Variants in TRIB3 observed in about 807,000 individuals in gnomAD.
TRIB3 encodes tribbles homolog 3.
A neutral mutation model predicts 16.6 loss-of-function variants in TRIB3; 20 were observed. The ratio of observed to expected loss-of-function variants is 1.20; its 90% CI spans 0.85 to 1.75. The LOEUF is 1.75. Among genes scored for constraint, TRIB3 ranks in the 40% most tolerant of loss-of-function variants. TRIB3 has a pLI of 0.00. For missense variants in TRIB3, 484 were observed against 488.9 expected (o/e 0.99, Z 0.10); for synonymous variants, 208 against 217.0 (o/e 0.96, Z 0.36).
Position 391,574 on chromosome 20 carries a change from T to A in TRIB3, c.579T>A (p.Arg193=), listed in dbSNP as rs767699653. 6.2e-7 allele frequency: 1 copy of A among 1,606,742 alleles called. No homozygotes were observed. The highest frequency in any genetic ancestry group is 1.1e-5 in the South Asian group (1 of 90,974). Residue 193 remains arginine (R), a synonymous_variant, in exon 3 of 4, where the codon CGT becomes CGA. Transcript: ENST00000217233. ...LKLCRFVFAD[R]ERKKLVLENL... ...TGTGTCGCTTTGTCTTCGCTGACCGTGAGAGGTGAGTGTGGTCTCAGAGAC... is the reference window on the plus strand; with the variant it reads ...TGTGTCGCTTTGTCTTCGCTGACCGAGAGAGGTGAGTGTGGTCTCAGAGAC...
chr20:382,195 A>T (rs1036934365), intron 1 of TRIB3, among the ~76,000 whole-genome samples: 1 of 152,102 alleles, frequency 6.6e-6, no homozygotes, highest in Admixed American at 6.5e-5. Flanking sequence ...TGTGGCAGGG[A>T]ACAGCAAGAG....
chr20:391,004 A>AGG lies in TRIB3; in HGVS notation c.292-283_292-282insGG, dbSNP rs1568535448. On this transcript the variant is annotated intron_variant, in intron 2 of 3. Coordinates refer to ENST00000217233, the MANE Select transcript of TRIB3 (RefSeq NM_021158.5). Reference sequence around the variant, plus strand: ...GTGACAGAGCGAGACTCCGTCTCAAAAAAAAAAAAAAAAAAAAAAAGCACA... The same window carrying AGG: ...GTGACAGAGCGAGACTCCGTCTCAAAGGAAAAAAAAAAAAAAAAAAAAGCACA... Among the ~76,000 whole-genome samples, 56 of 147,514 alleles carry AGG rather than the reference A, an allele frequency of 3.8e-4. 1 individual carries two copies. The highest frequency in any genetic ancestry group is 1.2e-3 in the African/African-American group (47 of 39,702).
chr20:391,897 C>T (rs1383967648), intron 3 of TRIB3, among the ~76,000 whole-genome samples: 2 of 152,102 alleles, frequency 1.3e-5, no homozygotes, highest in African/African-American at 2.4e-5. Flanking sequence ...TGGCGCACAC[C>T]TGTAATCCCA....
intron 1 of TRIB3, among the ~76,000 whole-genome samples, chr20:385,274 G>A (rs542402849): frequency 5.9e-4 from 90 of 152,016 alleles, no homozygotes; most frequent in South Asian, 3.1e-3. Context: ...CACCACGCCC[G>A]GCTAATTTTT....
At chr20:384,763 T>G (rs1174999087) in intron 1 of TRIB3, among the ~76,000 whole-genome samples, 3 of 152,180 alleles carry the variant, frequency 2.0e-5, no homozygotes, top group African/African-American at 7.2e-5. Flanking sequence ...CTACTGTATG[T>G]GGTACTTCTG....
At chr20:384,119 C>T (rs563948799) in intron 1 of TRIB3, among the ~76,000 whole-genome samples, 84 of 152,228 alleles carry the variant, frequency 5.5e-4, no homozygotes, top group Non-Finnish European at 9.7e-4. Flanking sequence ...CATCTAGCAC[C>T]CCCTAGTCCA....
At position 380,803 on chromosome 20, in the gene TRIB3, G is replaced by C. The variant is rs1214456235; in HGVS notation, c.-367G>C. On this transcript the variant is annotated 5_prime_UTR_variant, in exon 1 of 4. Coordinates refer to ENST00000217233, the MANE Select transcript of TRIB3 (RefSeq NM_021158.5). ...AGCGAGGGCGGGTCCCAGGTGCAGC[G>C]GATGCAGAGGAGAGAGGCCCGGGCG... 1 of 152,090 alleles carries C rather than the reference G, an allele frequency of 6.6e-6. No individual in the cohort carries two copies. Among genetic ancestry groups the C allele is most frequent in the South Asian group, 2.1e-4 (1 of 4,812 alleles). 9.4% of individuals were successfully genotyped at this position (152,090 alleles called of 1,614,324 possible).
chr20:390,405 G>A (rs1379660669), intron 2 of TRIB3, among the ~76,000 whole-genome samples: 1 of 152,182 alleles, frequency 6.6e-6, no homozygotes, highest in Non-Finnish European at 1.5e-5. Flanking sequence ...ATCAGCATTT[G>A]TCAATATTTG....
At chr20:390,709 C>G (rs2014947655) in intron 2 of TRIB3, among the ~76,000 whole-genome samples, 1 of 152,034 alleles carries the variant, frequency 6.6e-6, no homozygotes, top group Non-Finnish European at 1.5e-5. Flanking sequence ...CAGTTAAGAG[C>G]ACAGACAAAA....
intron 2 of TRIB3, 33 bp from the exon 3 acceptor site, chr20:391,254 C>T: frequency 6.3e-7 from 1 of 1,595,110 alleles, no homozygotes; most frequent in Non-Finnish European, 8.5e-7. Flanking sequence ...CCCGGGAGTC[C>T]CCAGCTGTGC....
intron 3 of TRIB3, among the ~76,000 whole-genome samples, chr20:394,237 G>C (rs1372884957): frequency 6.6e-6 from 1 of 152,024 alleles, no homozygotes; most frequent in Non-Finnish European, 1.5e-5. Flanking sequence ...TGCCATGTTG[G>C]CCAGGCTGGT....
At chr20:390,319 A>G (rs886737526) in intron 2 of TRIB3, among the ~76,000 whole-genome samples, 5 of 150,046 alleles carry the variant, frequency 3.3e-5, no homozygotes, top group African/African-American at 1.2e-4. Context: ...CAAGAGCAAA[A>G]CTCCGTCTCA....
intron 1 of TRIB3, among the ~76,000 whole-genome samples, chr20:383,676 G>A (rs1417500053): frequency 1.3e-5 from 2 of 152,098 alleles, no homozygotes; most frequent in Non-Finnish European, 2.9e-5. Context: ...CTGGGCTCAA[G>A]TGATCTTCCT....
chr20:389,595 C>T (rs573166850), intron 2 of TRIB3, among the ~76,000 whole-genome samples: 34 of 152,174 alleles, frequency 2.2e-4, no homozygotes, highest in Admixed American at 3.3e-4. Flanking sequence ...AGCGCCCTTA[C>T]CAGGTGCCCT....
At chr20:390,844 A>G (rs777248320) in intron 2 of TRIB3, among the ~76,000 whole-genome samples, 2 of 151,984 alleles carry the variant, frequency 1.3e-5, no homozygotes, top group Non-Finnish European at 2.9e-5. Context: ...TCTACTAAAA[A>G]TACAAAAATT....
intron 1 of TRIB3, among the ~76,000 whole-genome samples, chr20:383,337 A>G (rs2014712120): frequency 6.6e-6 from 1 of 152,244 alleles, no homozygotes; most frequent in Admixed American, 6.5e-5. Context: ...GGCTGCAGGA[A>G]TAACTGTGTA....
chr20:386,941 C>T (rs558240264), intron 1 of TRIB3, among the ~76,000 whole-genome samples: 8 of 148,440 alleles, frequency 5.4e-5, no homozygotes, highest in Admixed American at 4.0e-4. Context: ...TTAGTAGAGA[C>T]AGGGTTTCAC....
chr20:382,048 G>T (rs1336406323), intron 1 of TRIB3, among the ~76,000 whole-genome samples: 1 of 152,148 alleles, frequency 6.6e-6, no homozygotes, highest in Non-Finnish European at 1.5e-5. Context: ...GCGGGGCGGG[G>T]TGGGGGTGCG....
chr20:396,213 G>A lies in TRIB3; in HGVS notation c.600G>A (p.Leu200=), dbSNP rs11537605. The change falls in exon 4 of 4, where the codon CTG becomes CTA. Residue 200 remains leucine (L), a synonymous_variant. Coordinates refer to ENST00000217233, the MANE Select transcript of TRIB3 (RefSeq NM_021158.5). ...FADRERKKLV[L]ENLEDSCVLT... ...CATGTCCCAGGAAGAAGCTGGTGCT[G>A]GAGAACCTGGAGGACTCCTGCGTGC... The A allele has an allele frequency of 9.7e-3, 15,531 of 1,608,172 alleles. 602 individuals are homozygous for A. The East Asian group carries it at 0.13, about 13-fold the overall frequency.
Sources: gnomAD v4.1 joint callset for allele counts (sites outside exome capture counted in the v4.1 genomes callset) on GRCh38, gnomAD v4.1.1 for gene constraint, MANE v1.5 for transcripts, NCBI Gene and HGNC (gene_info 2026-07-23, HGNC 2026-07-21) for gene names.